Variants in FRMPD3 observed in about 807,000 individuals in gnomAD.
FRMPD3 encodes FERM and PDZ domain containing 3.
A neutral mutation model predicts 97.9 loss-of-function variants in FRMPD3; 42 were observed. That is an observed-to-expected ratio of 0.43 (90% CI 0.34 to 0.55). The LOEUF is 0.55. Ranked by LOEUF, FRMPD3 falls within the 20% of genes least tolerant of loss-of-function variation. FRMPD3 has a pLI of 0.03. For missense variants in FRMPD3, 1,303 were observed against 1,457.7 expected, an observed-to-expected ratio of 0.89 and a Z score of 1.73; for synonymous variants, 577 against 581.1, an observed-to-expected ratio of 0.99 and a Z score of 0.10.
intron 1 of FRMPD3, among the ~76,000 whole-genome samples, chrX:107,514,428 C>T (rs1032319389): frequency 2.7e-5 from 3 of 111,378 alleles, no homozygotes; most frequent in African/African-American, 9.8e-5. Flanking sequence ...GCTGCAGCAA[C>T]TCACAGGAGA....
At chrX:107,471,231 G>A (rs1280190677) in intron 1 of FRMPD3, among the ~76,000 whole-genome samples, 1 of 110,885 alleles carries the variant, frequency 9.0e-6, no homozygotes, top group Non-Finnish European at 1.9e-5. Context: ...CGCAGTCGCA[G>A]TGTCTGCTCC....
At chrX:107,469,381 C>T (rs1246286434) in intron 1 of FRMPD3, among the ~76,000 whole-genome samples, 1 of 111,421 alleles carries the variant, frequency 9.0e-6, no homozygotes, top group Non-Finnish European at 1.9e-5. Context: ...CTCATGAGAC[C>T]CATTCACTAT....
chrX:107,450,221 A>T (rs968918477), intron 1 of FRMPD3, among the ~76,000 whole-genome samples: 8 of 110,529 alleles, frequency 7.2e-5, no homozygotes, highest in African/African-American at 2.6e-4. Context: ...TGCCCCGGCG[A>T]GTCTCTGGCT....
At chrX:107,576,244 A>G in intron 12 of FRMPD3, 71 bp from the exon 13 acceptor site, 1 of 1,122,629 alleles carries the variant, frequency 8.9e-7, no homozygotes, top group Non-Finnish European at 1.2e-6. Flanking sequence ...TTTGCTAGCT[A>G]CCATGCCTCT....
At chrX:107,454,206 T>A (rs909385794) in intron 1 of FRMPD3, among the ~76,000 whole-genome samples, 1 of 111,262 alleles carries the variant, frequency 9.0e-6, no homozygotes, top group African/African-American at 3.3e-5. Context: ...TATTGCTAGT[T>A]CTTCTTACTA....
At chrX:107,536,169 T>G (rs965013479) in intron 4 of FRMPD3, among the ~76,000 whole-genome samples, 1 of 110,981 alleles carries the variant, frequency 9.0e-6, no homozygotes, top group African/African-American at 3.3e-5. Context: ...CTGAACAACA[T>G]AGAATGAGAC....
chrX:107,578,898 A>G (rs1923250094), intron 13 of FRMPD3, among the ~76,000 whole-genome samples: 1 of 110,867 alleles, frequency 9.0e-6, no homozygotes, highest in Admixed American at 9.6e-5. Flanking sequence ...TGGTGTGCAC[A>G]TTTTGTCTCA....
chrX:107,546,201 G>C (rs956432862), intron 5 of FRMPD3, among the ~76,000 whole-genome samples: 1 of 111,804 alleles, frequency 8.9e-6, no homozygotes, highest in Non-Finnish European at 1.9e-5. Context: ...GGAATGAGTG[G>C]CTGGTGAAAT....
At chrX:107,474,099 C>G (rs1232692486) in intron 1 of FRMPD3, among the ~76,000 whole-genome samples, 1 of 111,751 alleles carries the variant, frequency 8.9e-6, no homozygotes, top group African/African-American at 3.3e-5. Context: ...CGAAACAAAA[C>G]CAAAATGCTA....
intron 1 of FRMPD3, among the ~76,000 whole-genome samples, chrX:107,521,003 A>G (rs902739515): frequency 2.7e-5 from 3 of 111,956 alleles, no homozygotes; most frequent in African/African-American, 9.8e-5. Context: ...CTTTCCTCCC[A>G]GATGCCAGTG....
At chrX:107,565,564 A>T (rs1922564143) in intron 12 of FRMPD3, among the ~76,000 whole-genome samples, 1 of 109,489 alleles carries the variant, frequency 9.1e-6, no homozygotes, top group South Asian at 4.0e-4. Flanking sequence ...GCATGGTAGC[A>T]CACACCTGTG....
intron 8 of FRMPD3, among the ~76,000 whole-genome samples, chrX:107,557,099 G>A (rs1261844256): frequency 8.9e-6 from 1 of 112,133 alleles, no homozygotes; most frequent in Non-Finnish European, 1.9e-5. Context: ...ATGTATGAGA[G>A]TTTCATTTTC....
chrX:107,495,800 A>G (rs779977820), intron 1 of FRMPD3, among the ~76,000 whole-genome samples: 109 of 112,734 alleles, frequency 9.7e-4, no homozygotes, highest in Non-Finnish European at 1.9e-3. Flanking sequence ...CATAATGACC[A>G]CAAACTAATA....
Position 107,601,676 on chromosome X carries a change from C to A in FRMPD3, c.3637C>A (p.Pro1213Thr). The A allele has an allele frequency of 8.3e-7, 1 of 1,211,354 alleles. No homozygotes were observed. Among genetic ancestry groups the A allele is most frequent in the Non-Finnish European group, 1.1e-6 (1 of 895,556 alleles). Residue 1213 changes from proline (P) to threonine (T), a missense_variant, in exon 15 of 15, where the codon CCT (proline) becomes ACT (threonine). Physicochemically the swap from Pro to Thr is conservative, Grantham distance 38 (BLOSUM62 -1). This residue lies in a region of FRMPD3 where 764 missense variants were observed against 820.2 expected (regional missense o/e 0.93). Transcript: ENST00000683843. Reference protein sequence around the residue: ...GPAKPKSSRGPFRLRNLFSAT... With the variant: ...GPAKPKSSRGTFRLRNLFSAT... ...TGCCAAACCCAAGTCATCCCGAGGT[C>A]CTTTCCGGCTACGCAATTTATTCTC... is the stretch of plus-strand genomic sequence containing the variant.
intron 5 of FRMPD3, 98 bp downstream of exon 5, chrX:107,545,939 G>C (rs950333992): frequency 3.1e-6 from 2 of 654,276 alleles, no homozygotes; most frequent in African/African-American, 4.4e-5. Flanking sequence ...ACAGCTTTCC[G>C]AATGGGTTAG....
At chrX:107,452,606 A>G in intron 1 of FRMPD3, among the ~76,000 whole-genome samples, 1 of 111,691 alleles carries the variant, frequency 9.0e-6, no homozygotes. Context: ...GCCCCCTCCA[A>G]CATAAGCTCG....
chrX:107,480,384 G>A (rs959730156), intron 1 of FRMPD3, among the ~76,000 whole-genome samples: 1 of 111,815 alleles, frequency 8.9e-6, no homozygotes, highest in African/African-American at 3.3e-5. Context: ...TTGTTACATG[G>A]AGGGTACTTA....
intron 6 of FRMPD3, among the ~76,000 whole-genome samples, chrX:107,551,824 C>T (rs919276251): frequency 8.9e-6 from 1 of 112,743 alleles, no homozygotes; most frequent in African/African-American, 3.2e-5. Flanking sequence ...ACTGGCGCCT[C>T]TGTGACTACT....
chrX:107,564,925 C>G lies in FRMPD3; in HGVS notation c.1155C>G (p.Pro385=). ...CGGCCACCACGCTCCTGGTGGGACC[C>G]CGTCATGGCATCAGCCATGTTATTG... The part of the protein sequence containing the change: ...KQSATTLLVG[P]RHGISHVIDL... The change falls in exon 12 of 15, where the codon CCC becomes CCG. Residue 385 remains proline, a synonymous_variant. Coordinates refer to ENST00000683843, the MANE Select transcript of FRMPD3 (RefSeq NM_001388459.1). The G allele has an allele frequency of 8.3e-7, 1 of 1,210,753 alleles. No homozygotes were observed. The highest frequency in any genetic ancestry group is 1.1e-6 in the Non-Finnish European group (1 of 895,256).
Sources: gnomAD v4.1 joint callset for allele counts (sites outside exome capture counted in the v4.1 genomes callset) on GRCh38, gnomAD v4.1.1 for gene constraint, gnomAD v4.1.1 regional missense constraint, MANE v1.5 for transcripts, NCBI Gene and HGNC (gene_info 2026-07-23, HGNC 2026-07-21) for gene names.